ACYP2: variants seen among roughly 807,000 people sequenced by gnomAD.
ACYP2 encodes the protein acylphosphatase 2, also known as acylphosphatase-2.
ACYP2 carries 12 observed loss-of-function variants against 11.2 expected under a neutral mutation model. The ratio of observed to expected loss-of-function variants is 1.08; its 90% CI spans 0.69 to 1.74. The LOEUF is 1.74. Among genes scored for constraint, ACYP2 ranks in the 40% most tolerant of loss-of-function variants. The pLI is 0.00. For synonymous variants in ACYP2, 43 were observed against 32.2 expected, an observed-to-expected ratio of 1.33 and a Z score of -1.13; for missense variants, 134 against 101.9, an observed-to-expected ratio of 1.31 and a Z score of -1.35.
Position 54,267,356 on chromosome 2 carries a change from G to A in ACYP2, c.405-37332G>A, listed in dbSNP as rs545568012. The stretch of plus-strand genomic sequence containing the variant: ...AAACAAGATAGGGCAACAGCTAGAG[G>A]AGAATTCAGGTGAGAGGTTTCTACT... On this transcript the variant is annotated intron_variant, in intron 6 of 6. Transcript: ENST00000607452. 9.9e-5 allele frequency: 153 copies of A among 1,547,756 alleles called. No homozygotes were observed. The Admixed American group carries it at 2.9e-3, about 29-fold the overall frequency.
chr2:54,087,463 C>T (rs893489059), intron 4 of ACYP2, among the ~76,000 whole-genome samples: 6 of 152,114 alleles, frequency 3.9e-5, no homozygotes, highest in African/African-American at 1.4e-4. Flanking sequence ...ACCCTCCCTC[C>T]TTAACCTCCG....
At chr2:54,023,048 T>C (rs1439244875) in intron 2 of ACYP2, among the ~76,000 whole-genome samples, 1 of 152,238 alleles carries the variant, frequency 6.6e-6, no homozygotes, top group Non-Finnish European at 1.5e-5. Context: ...TTTCTCTTGT[T>C]AATCTGTCTT....
In ACYP2 at chr2:54,084,389, G is replaced by A. The variant is rs374323903; in HGVS notation, c.277+27029G>A. On this transcript the variant is annotated intron_variant, in intron 4 of 6. Transcript: ENST00000607452. ...GGCTCACTGCAACCTCTGTCTCCCA[G>A]GTTCAAGCTATTCTCATGCCTCAGC... Among the ~76,000 whole-genome samples the A allele has an allele frequency of 1.5e-4, 23 of 152,280 alleles. No individual in the cohort carries two copies. The South Asian group carries it at 4.8e-3, about 32-fold the overall frequency.
chr2:53,996,937 G>A (rs1244934681), intron 2 of ACYP2, among the ~76,000 whole-genome samples: 1 of 152,064 alleles, frequency 6.6e-6, no homozygotes, highest in East Asian at 1.9e-4. Context: ...TCCCTATTAT[G>A]TACAAAATAA....
In ACYP2 at chr2:54,304,706, G is replaced by A. The variant is rs368124717; in HGVS notation, c.423G>A (p.Lys141=). Residue 141 remains lysine (K), a synonymous_variant, in exon 7 of 7, where the codon AAG becomes AAA. Transcript: ENST00000607452. ...TTTATAGGAAGTCCTGGCTGAGCAA[G>A]GTTGGAAGCCCTAGTTCTCGCATTG... 4.3e-6 allele frequency: 7 copies of A among 1,610,260 alleles called. No individual in the cohort carries two copies. Among genetic ancestry groups the A allele is most frequent in the African/African-American group, 4.0e-5 (3 of 74,766 alleles).
At chr2:54,219,275 G>A (rs1685682266) in intron 6 of ACYP2, among the ~76,000 whole-genome samples, 1 of 152,162 alleles carries the variant, frequency 6.6e-6, no homozygotes, top group Non-Finnish European at 1.5e-5. Flanking sequence ...CAGAGGCATT[G>A]AGTGCTTGTT....
chr2:54,222,602 T>C lies in ACYP2; in HGVS notation c.405-82086T>C, dbSNP rs115011862. Among the ~76,000 whole-genome samples, 1,123 of 151,956 alleles carry C rather than the reference T, an allele frequency of 7.4e-3. 6 individuals are homozygous for C. Among genetic ancestry groups the C allele is most frequent in the Non-Finnish European group, 0.013 (888 of 67,954 alleles). ...CTGATTTACCTAACATTTGTTGGTG[T>C]GTTATCTCTAGTCATTTGCTACATA... On this transcript the variant is annotated intron_variant, in intron 6 of 6. Transcript: ENST00000607452.
intron 6 of ACYP2, among the ~76,000 whole-genome samples, chr2:54,168,435 CAAAAT>C (rs1046465271): frequency 4.6e-5 from 7 of 151,584 alleles, no homozygotes; most frequent in African/African-American, 1.7e-4. Context: ...CAAAACCAAA[CAAAAT>C]AAAATAGAAT....
intron 1 of ACYP2, among the ~76,000 whole-genome samples, chr2:53,972,393 T>G (rs867221297): frequency 3.4e-4 from 51 of 150,382 alleles, no homozygotes; most frequent in Middle Eastern, 3.5e-3. Flanking sequence ...GATCACGGGG[T>G]CAGGAGATGG....
At chr2:54,131,388 G>A (rs376372522) in intron 4 of ACYP2, among the ~76,000 whole-genome samples, 29 of 152,136 alleles carry the variant, frequency 1.9e-4, no homozygotes, top group South Asian at 2.1e-4. Context: ...CTCGAGATTC[G>A]TAAATGTTGA....
chr2:53,993,760 C>T (rs1179749231), intron 2 of ACYP2, among the ~76,000 whole-genome samples: 1 of 151,866 alleles, frequency 6.6e-6, no homozygotes, highest in Non-Finnish European at 1.5e-5. Context: ...TCTATTTTCC[C>T]GGAGAAGTAG....
At chr2:54,114,683 T>C (rs912308013) in intron 4 of ACYP2, among the ~76,000 whole-genome samples, 2 of 152,066 alleles carry the variant, frequency 1.3e-5, no homozygotes, top group East Asian at 1.9e-4. Context: ...AAACTCCGTC[T>C]CAAAACAACA....
At chr2:54,052,046 C>CAATAAATAAATAAATA (rs58161337) in intron 3 of ACYP2, among the ~76,000 whole-genome samples, 4,299 of 141,086 alleles carry the variant, frequency 0.03, 94 homozygotes, top group South Asian at 0.07. Context: ...GACTCTGTCT[C>CAATAAATAAATAAATA]AATAAATAAA....
intron 4 of ACYP2, among the ~76,000 whole-genome samples, chr2:54,133,528 T>G (rs1224184998): frequency 6.6e-6 from 1 of 152,228 alleles, no homozygotes; most frequent in Non-Finnish European, 1.5e-5. Context: ...ACTAATAAGC[T>G]CTGAATTTCT....
rs567352111 is a variant in ACYP2 at position 54,178,678 on chromosome 2, A to T, written c.404+39930A>T. Among the ~76,000 whole-genome samples, 15 of 152,324 alleles carry T rather than the reference A, an allele frequency of 9.8e-5. No homozygotes were observed. In the South Asian group the frequency reaches 1.7e-3, roughly 17 times the overall value. On this transcript the variant is annotated intron_variant, in intron 6 of 6. Coordinates refer to ENST00000607452, the MANE Select transcript of ACYP2 (RefSeq NM_001320586.2). ...ATATCCCTTGTGTACTTGTAATTCT[A>T]GGAAAAATACAAAGCATTTAGTGGG... is the stretch of plus-strand genomic sequence containing the variant.
chr2:54,147,245 T>C (rs1165241423), intron 6 of ACYP2, among the ~76,000 whole-genome samples: 1 of 151,826 alleles, frequency 6.6e-6, no homozygotes, highest in African/African-American at 2.4e-5. Context: ...CATACATAAA[T>C]CAAAACAGCC....
intron 6 of ACYP2, among the ~76,000 whole-genome samples, chr2:54,200,443 C>A (rs998203179): frequency 6.6e-6 from 1 of 152,136 alleles, no homozygotes; most frequent in Non-Finnish European, 1.5e-5. Flanking sequence ...CAAACCCTGG[C>A]AACCACTAAT....
At chr2:54,078,049 A>C (rs956316375) in intron 4 of ACYP2, among the ~76,000 whole-genome samples, 1 of 151,180 alleles carries the variant, frequency 6.6e-6, no homozygotes, top group Non-Finnish European at 1.5e-5. Flanking sequence ...TGCTCACTGC[A>C]ACCTCGGCCT....
At chr2:53,992,594 G>A (rs1672354462) in intron 2 of ACYP2, among the ~76,000 whole-genome samples, 1 of 152,132 alleles carries the variant, frequency 6.6e-6, no homozygotes, top group African/African-American at 2.4e-5. Flanking sequence ...ACTTTGGGAG[G>A]CTAAGGTGGG....
Sources: allele counts gnomAD v4.1 joint callset (sites outside exome capture counted in the v4.1 genomes callset), GRCh38; gene constraint gnomAD v4.1.1; transcripts MANE v1.5; gene names NCBI Gene and HGNC (gene_info 2026-07-23, HGNC 2026-07-21).